TMEM33: variants seen among roughly 807,000 people sequenced by gnomAD.
TMEM33 encodes the protein transmembrane protein 33.
In TMEM33, 16 loss-of-function variants were observed where a neutral mutation model predicts 29.7. That is an observed-to-expected ratio of 0.54 (90% confidence interval 0.36 to 0.82). The LOEUF is 0.82. TMEM33 is among the 40% of genes least tolerant of loss of function. TMEM33 has a pLI of 0.00. For synonymous variants in TMEM33, 112 were observed against 109.4 expected (o/e 1.02, Z -0.15); for missense variants, 252 against 295.3 (o/e 0.85, Z 1.08).
At chr4:41,942,190 G>A (rs907392083) in intron 3 of TMEM33, among the ~76,000 whole-genome samples, 7 of 152,202 alleles carry the variant, frequency 4.6e-5, no homozygotes, top group Non-Finnish European at 1.0e-4. Context: ...GATCGACAGA[G>A]TTTTATAGTG....
chr4:41,942,061 A>T (rs114343010), intron 3 of TMEM33, among the ~76,000 whole-genome samples: 1 of 152,238 alleles, frequency 6.6e-6, no homozygotes, highest in Non-Finnish European at 1.5e-5. Flanking sequence ...TGACAGAGTC[A>T]GGAGTGGAAC....
rs1713296636 is a variant in TMEM33 at position 41,956,888 on chromosome 4, C to T, written c.*2689C>T. On this transcript the variant is annotated 3_prime_UTR_variant, in exon 7 of 7. Coordinates refer to ENST00000504986, the MANE Select transcript of TMEM33 (RefSeq NM_018126.3). The stretch of plus-strand genomic sequence containing the variant: ...AGAAATTCTGCAATAGGAATATCTA[C>T]AACCGGCTGATTTGGAATTTGAAAT... 2 of 152,086 alleles carry T rather than the reference C, an allele frequency of 1.3e-5. No homozygotes were observed. The highest frequency in any genetic ancestry group is 2.9e-5 in the Non-Finnish European group (2 of 68,002). 9.4% of individuals were successfully genotyped at this position (152,086 alleles called of 1,614,324 possible). A position where few individuals can be genotyped will look rare whatever the true frequency, so the allele number is the denominator to read the frequency against.
At chr4:41,938,162 C>T (rs1373516262) in intron 1 of TMEM33, among the ~76,000 whole-genome samples, 1 of 152,086 alleles carries the variant, frequency 6.6e-6, no homozygotes, top group East Asian at 1.9e-4. Context: ...CCTACCTATT[C>T]GGATTTGAGA....
At chr4:41,948,113 G>A (rs1712872953) in intron 5 of TMEM33, among the ~76,000 whole-genome samples, 1 of 152,106 alleles carries the variant, frequency 6.6e-6, no homozygotes, top group African/African-American at 2.4e-5. Context: ...TGGGGTGTAT[G>A]TGTGTAAGGA....
At position 41,954,269 on chromosome 4, in the gene TMEM33, TAAATTCCAGGTGTTACACTG is replaced by T. The variant is rs1211668347; in HGVS notation, c.*72_*91del. On this transcript the variant is annotated 3_prime_UTR_variant, in exon 7 of 7. Coordinates refer to ENST00000504986, the MANE Select transcript of TMEM33 (RefSeq NM_018126.3). ...CAGCTGGTACTTCTGCTAGGGGTTG[TAAATTCCAGGTGTTACACTG>T]ACCTCAATCCAATTTACATAATTTA... is the stretch of plus-strand genomic sequence containing the variant. 5.6e-5 allele frequency: 87 copies of T among 1,554,186 alleles called. No individual in the cohort carries two copies. The East Asian group carries it at 2.0e-3, about 35-fold the overall frequency.
chr4:41,941,374 A>G (rs1712532738), intron 3 of TMEM33, among the ~76,000 whole-genome samples: 2 of 152,352 alleles, frequency 1.3e-5, no homozygotes, highest in East Asian at 3.9e-4. Context: ...AGTTATGTAG[A>G]GATTTTTGGT....
Position 41,957,687 on chromosome 4 carries a change from T to A in TMEM33, c.*3488T>A, listed in dbSNP as rs1251271467. On this transcript the variant is annotated 3_prime_UTR_variant, in exon 7 of 7. Coordinates refer to ENST00000504986, the MANE Select transcript of TMEM33 (RefSeq NM_018126.3). ...TTAACTAATGCTAAGGAGTTTATTT[T>A]GATTAACATAGGTTATTCTGACCAC... The A allele has an allele frequency of 1.3e-5, 2 of 152,154 alleles. No individual in the cohort carries two copies. 9.4% of individuals were successfully genotyped at this position (152,154 alleles called of 1,614,324 possible).
rs1712366455 is a variant in TMEM33, at chr4:41,938,632, G to A, written c.76G>A (p.Ala26Thr). The A allele has an allele frequency of 5.0e-6, 8 of 1,614,006 alleles. No homozygotes were observed. In the East Asian group the frequency reaches 1.8e-4, roughly 36 times the overall value. The change falls in exon 2 of 7, where the codon GCA becomes ACA. Residue 26 changes from alanine to threonine, a missense_variant. Coordinates refer to ENST00000504986, the MANE Select transcript of TMEM33 (RefSeq NM_018126.3). ...QFMMTNKLDT[A>T]MWLSRLFTVY... ...CATGATGACCAATAAACTGGACACGGCAATGTGGCTTTCTCGCTTGTTCAC... is the reference window on the plus strand; with the variant it reads ...CATGATGACCAATAAACTGGACACGACAATGTGGCTTTCTCGCTTGTTCAC...
intron 5 of TMEM33, among the ~76,000 whole-genome samples, chr4:41,947,151 G>A (rs945119923): frequency 3.3e-5 from 5 of 151,430 alleles, no homozygotes; most frequent in Non-Finnish European, 7.4e-5. Flanking sequence ...CAGGAGAATC[G>A]CTTGAACCCT....
At position 41,954,326 on chromosome 4, in the gene TMEM33, C is replaced by A; in HGVS notation, c.*127C>A. ...ATTTACATAATTTACATAAATGCATCTCGGTGGAAAAATAATCATTTTCTT... is the reference window on the plus strand; with the variant it reads ...ATTTACATAATTTACATAAATGCATATCGGTGGAAAAATAATCATTTTCTT... On this transcript the variant is annotated 3_prime_UTR_variant, in exon 7 of 7. Transcript: ENST00000504986. The A allele has an allele frequency of 1.0e-6, 1 of 1,004,058 alleles. No individual in the cohort carries two copies. The highest frequency in any genetic ancestry group is 1.4e-6 in the Non-Finnish European group (1 of 728,070). The allele number at this position is 1,004,058 out of a possible 1,614,324, so 62.2% of individuals were successfully genotyped here.
rs149769827 is a variant in TMEM33 at position 41,938,664 on chromosome 4, C to T, written c.108C>T (p.Tyr36=). ...GGCTTTCTCGCTTGTTCACAGTTTA[C>T]TGCTCTGCTCTGTTTGTTCTGCCTC... is the stretch of plus-strand genomic sequence containing the variant. The part of the protein sequence containing the change: ...AMWLSRLFTV[Y]CSALFVLPLL... The change falls in exon 2 of 7, where the codon TAC becomes TAT. Residue 36 remains tyrosine (Y), a synonymous_variant. Coordinates refer to ENST00000504986, the MANE Select transcript of TMEM33 (RefSeq NM_018126.3). 6.5e-5 allele frequency: 105 copies of T among 1,613,992 alleles called. No individual in the cohort carries two copies. The highest frequency in any genetic ancestry group is 8.8e-5 in the Non-Finnish European group (104 of 1,180,002).
In TMEM33 at chr4:41,955,069, C is replaced by G. The variant is rs1713204746; in HGVS notation, c.*870C>G. The G allele has an allele frequency of 6.6e-6, 1 of 152,578 alleles. No individual in the cohort carries two copies. Among genetic ancestry groups the G allele is most frequent in the Non-Finnish European group, 1.5e-5 (1 of 68,020 alleles). 9.5% of individuals were successfully genotyped at this position (152,578 alleles called of 1,614,324 possible). On this transcript the variant is annotated 3_prime_UTR_variant, in exon 7 of 7. Transcript: ENST00000504986. ...TTTCTTAGGCTTGAATTTTCATAGA[C>G]AATTGCAACAGTTTAGATGCCTTTT... is the stretch of plus-strand genomic sequence containing the variant.
At position 41,938,690 on chromosome 4, in the gene TMEM33, T is replaced by C. The variant is rs777266042; in HGVS notation, c.134T>C (p.Leu45Pro). The C allele has an allele frequency of 6.2e-6, 10 of 1,614,062 alleles. No homozygotes were observed. The highest frequency in any genetic ancestry group is 7.6e-6 in the Non-Finnish European group (9 of 1,179,954). ...TGCTCTGCTCTGTTTGTTCTGCCTC[T>C]TCTTGGGTATGTATTATACATATTG... is the stretch of plus-strand genomic sequence containing the variant. ...VYCSALFVLP[L>P]LGLHEAASFY... Residue 45 changes from leucine to proline, a missense_variant, in exon 2 of 7, where the codon CTT becomes CCT. Physicochemically the swap from Leu to Pro is moderately conservative, Grantham distance 98 (BLOSUM62 -3). Transcript: ENST00000504986.
rs186703054 is a variant in TMEM33 at position 41,936,576 on chromosome 4, G to A, written c.45+1047G>A. Among the ~76,000 whole-genome samples, 5 of 152,106 alleles carry A rather than the reference G, an allele frequency of 3.3e-5. No homozygotes were observed. In the East Asian group the frequency reaches 9.7e-4, roughly 29 times the overall value. ...CAAACAAACAAACAAACATAAATTA[G>A]CCGGTCGTGGAGGTGCGCTCCTATA... On this transcript the variant is annotated intron_variant, in intron 1 of 6. Transcript: ENST00000504986.
intron 6 of TMEM33, among the ~76,000 whole-genome samples, chr4:41,951,097 A>G (rs1461739595): frequency 6.6e-6 from 1 of 152,162 alleles, no homozygotes; most frequent in Non-Finnish European, 1.5e-5. Flanking sequence ...GACCATCTCT[A>G]TTCACAATTT....
chr4:41,938,615 C>A lies in TMEM33; in HGVS notation c.59C>A (p.Thr20Asn). ...QGAGAVQFMMTNKLDTAMWLS... is the reference protein window; with the variant it reads ...QGAGAVQFMMNNKLDTAMWLS... ...TTTTAAATTTAGCAATTCATGATGA[C>A]CAATAAACTGGACACGGCAATGTGG... The change falls in exon 2 of 7, where the codon ACC (threonine) becomes AAC (asparagine). Residue 20 changes from threonine to asparagine, a missense_variant. Coordinates refer to ENST00000504986, the MANE Select transcript of TMEM33 (RefSeq NM_018126.3). 1 of 1,613,976 alleles carries A rather than the reference C, an allele frequency of 6.2e-7. No homozygotes were observed. Among genetic ancestry groups the A allele is most frequent in the Non-Finnish European group, 8.5e-7 (1 of 1,179,984 alleles).
chr4:41,946,985 C>G lies in TMEM33; in HGVS notation c.530+2059C>G, dbSNP rs1712824070. 2.0e-5 allele frequency among the ~76,000 whole-genome samples: 3 copies of G among 152,072 alleles called. No individual in the cohort carries two copies. The South Asian group carries it at 6.2e-4, about 32-fold the overall frequency. ...AGCACGGTGGCTCACAGCCTGTAAA[C>G]CCAGCACTTTGGGAAGCCAAAGCTG... On this transcript the variant is annotated intron_variant, in intron 5 of 6. Coordinates refer to ENST00000504986, the MANE Select transcript of TMEM33 (RefSeq NM_018126.3).
At chr4:41,948,275 A>C (rs1712880686) in intron 5 of TMEM33, among the ~76,000 whole-genome samples, 1 of 152,128 alleles carries the variant, frequency 6.6e-6, no homozygotes, top group Non-Finnish European at 1.5e-5. Flanking sequence ...CATATTCGAG[A>C]TTGTGGTATA....
chr4:41,948,647 C>A (rs1479230285), intron 5 of TMEM33, among the ~76,000 whole-genome samples: 2 of 151,980 alleles, frequency 1.3e-5, no homozygotes, highest in African/African-American at 4.8e-5. Context: ...TAGGTAGTTG[C>A]ATATTAAATC....
Sources: allele counts gnomAD v4.1 joint callset (sites outside exome capture counted in the v4.1 genomes callset), GRCh38; gene constraint gnomAD v4.1.1; transcripts MANE v1.5; gene names NCBI Gene and HGNC (gene_info 2026-07-23, HGNC 2026-07-21).